The following GALNT13 variants were observed in gnomAD, a reference collection of about 807,000 sequenced individuals.
GALNT13 encodes polypeptide N-acetylgalactosaminyltransferase 13.
In GALNT13, 28 loss-of-function variants were observed where a neutral mutation model predicts 64.2. The observed-to-expected ratio is 0.44, with a 90% CI of 0.32 to 0.60. The LOEUF (loss-of-function observed/expected upper bound fraction) is 0.60, where lower values mean the gene tolerates loss of function less well. Ranked by LOEUF, GALNT13 falls within the 20% of genes least tolerant of loss-of-function variation. The pLI, the probability that GALNT13 is intolerant of heterozygous loss-of-function variation, is 0.05. For synonymous variants in GALNT13, 214 were observed against 224.6 expected (o/e 0.95, Z 0.42); for missense variants, 577 against 669.8 (o/e 0.86, Z 1.53).
chr2:153,348,386 A>G, the GALNT13 span, among the ~76,000 whole-genome samples: 4 of 152,294 alleles, frequency 2.6e-5, no homozygotes, highest in South Asian at 6.2e-4. Flanking sequence ...CAACCTAGGC[A>G]CCTTCAGATG....
the GALNT13 span, among the ~76,000 whole-genome samples, chr2:153,313,369 A>G: frequency 6.6e-6 from 1 of 152,224 alleles, no homozygotes; most frequent in Admixed American, 6.5e-5. Context: ...ATGTAGCCAT[A>G]AAAAAGAATG....
chr2:153,705,384 G>A, the GALNT13 span, among the ~76,000 whole-genome samples: 84 of 150,332 alleles, frequency 5.6e-4, no homozygotes, highest in African/African-American at 2.0e-3. Context: ...CATTGATGGA[G>A]GTACCACTGT....
chr2:153,637,800 G>A, the GALNT13 span, among the ~76,000 whole-genome samples: 2 of 152,168 alleles, frequency 1.3e-5, no homozygotes, highest in Non-Finnish European at 2.9e-5. Flanking sequence ...CAACTGACAT[G>A]ATACAGACTT....
At chr2:154,353,770 T>C (rs1384713807) in intron 9 of GALNT13, among the ~76,000 whole-genome samples, 2 of 152,196 alleles carry the variant, frequency 1.3e-5, no homozygotes, top group Admixed American at 1.3e-4. Flanking sequence ...TGAATAATAT[T>C]CCATTGTGTA....
chr2:153,759,543 C>A, the GALNT13 span, among the ~76,000 whole-genome samples: 1 of 152,052 alleles, frequency 6.6e-6, no homozygotes, highest in Non-Finnish European at 1.5e-5. Flanking sequence ...AAAGCTTTTT[C>A]TGCCTCTAAT....
At chr2:154,298,440 T>TTATATATAATTTATATATACATATATAAA (rs1340527977) in intron 8 of GALNT13, among the ~76,000 whole-genome samples, 5 of 135,826 alleles carry the variant, frequency 3.7e-5, no homozygotes, top group Non-Finnish European at 7.7e-5. Flanking sequence ...TATATATAAA[T>TTATATATAATTTATATATACATATATAAA]TATATATAAT....
chr2:153,113,331 T>G, the GALNT13 span, among the ~76,000 whole-genome samples: 1 of 152,056 alleles, frequency 6.6e-6, no homozygotes, highest in Non-Finnish European at 1.5e-5. Context: ...TTTCAGTCCT[T>G]TCATGCTGGA....
the GALNT13 span, among the ~76,000 whole-genome samples, chr2:153,169,274 T>C: frequency 9.8e-5 from 15 of 152,292 alleles, no homozygotes; most frequent in African/African-American, 3.6e-4. Context: ...GGAAAACTGG[T>C]AGAGTGTCAA....
At chr2:154,189,738 A>G (rs941776581) in intron 4 of GALNT13, among the ~76,000 whole-genome samples, 3 of 152,070 alleles carry the variant, frequency 2.0e-5, no homozygotes, top group Admixed American at 6.5e-5. Context: ...TTCCATCCCA[A>G]TAAATATGTC....
chr2:153,745,252 A>G, the GALNT13 span, among the ~76,000 whole-genome samples: 1 of 152,230 alleles, frequency 6.6e-6, no homozygotes, highest in African/African-American at 2.4e-5. Context: ...AGAGCTGGTT[A>G]TAAAAACAGG....
At chr2:153,207,569 A>T in the GALNT13 span, among the ~76,000 whole-genome samples, 1 of 152,104 alleles carries the variant, frequency 6.6e-6, no homozygotes, top group Admixed American at 6.5e-5. Flanking sequence ...ACTTCCTTTC[A>T]TCTACCTTTG....
At chr2:153,930,596 G>GTT (rs1384045414) in intron 2 of GALNT13, among the ~76,000 whole-genome samples, 1 of 151,870 alleles carries the variant, frequency 6.6e-6, no homozygotes, top group African/African-American at 2.4e-5. Flanking sequence ...CTCATTGCTA[G>GTT]TTTTTTTTAC....
intron 3 of GALNT13, among the ~76,000 whole-genome samples, chr2:154,027,559 A>T (rs539368298): frequency 1.3e-5 from 2 of 152,300 alleles, no homozygotes; most frequent in Non-Finnish European, 2.9e-5. Flanking sequence ...TTTGAATGAC[A>T]TGTGAGATAT....
the GALNT13 span, among the ~76,000 whole-genome samples, chr2:153,541,954 T>C: frequency 1.2e-4 from 18 of 152,164 alleles, no homozygotes; most frequent in Non-Finnish European, 2.5e-4. Context: ...AATTTTTAAA[T>C]GAACCTTCAA....
At chr2:154,375,667 G>T (rs1362740916) in intron 9 of GALNT13, among the ~76,000 whole-genome samples, 3 of 151,870 alleles carry the variant, frequency 2.0e-5, no homozygotes. Context: ...CCTCATGGGG[G>T]TCAAGACAAC....
rs181583282 is a variant in GALNT13 at position 154,386,960 on chromosome 2, C to A, written c.1157-9031C>A. The stretch of plus-strand genomic sequence containing the variant: ...TTGAAAGTTGTCTGATAATCCTCTT[C>A]CTGTGTGACAGCTCTGTGCAGAAGC... On this transcript the variant is annotated intron_variant, in intron 9 of 12. Transcript: ENST00000392825. Among the ~76,000 whole-genome samples the A allele has an allele frequency of 2.0e-5, 3 of 152,202 alleles. No homozygotes were observed. The East Asian group carries it at 5.8e-4, about 29-fold the overall frequency.
intron 9 of GALNT13, among the ~76,000 whole-genome samples, chr2:154,365,357 A>C (rs575568682): frequency 6.6e-6 from 1 of 152,180 alleles, no homozygotes; most frequent in Non-Finnish European, 1.5e-5. Context: ...CAATACAGCT[A>C]CCCACCCTCA....
intron 9 of GALNT13, among the ~76,000 whole-genome samples, chr2:154,313,968 AC>A (rs1227345834): frequency 1.3e-5 from 2 of 152,034 alleles, no homozygotes; most frequent in Admixed American, 6.6e-5. Context: ...ACTTTCCATT[AC>A]CCTAAACCTG....
the GALNT13 span, among the ~76,000 whole-genome samples, chr2:153,417,318 A>G: frequency 6.6e-6 from 1 of 152,224 alleles, no homozygotes; most frequent in Non-Finnish European, 1.5e-5. Flanking sequence ...AGGGCCTTGC[A>G]GGCCCAGTCA....
Sources: allele counts gnomAD v4.1 joint callset (sites outside exome capture counted in the v4.1 genomes callset), GRCh38; gene constraint gnomAD v4.1.1; transcripts MANE v1.5; gene names NCBI Gene and HGNC (gene_info 2026-07-23, HGNC 2026-07-21).